The following ELL2 variants were observed in gnomAD, a reference collection of about 807,000 sequenced individuals.
ELL2 encodes the protein RNA polymerase II elongation factor ELL2.
In ELL2, 21 loss-of-function variants were observed where a neutral mutation model predicts 72.8. That is an observed-to-expected ratio of 0.29 (90% confidence interval 0.20 to 0.42). ELL2 has a LOEUF of 0.42. Among genes scored for constraint, ELL2 ranks in the 10% least tolerant of loss-of-function variants. ELL2 has a pLI of 1.00. For missense variants in ELL2, 568 were observed against 772.8 expected, an observed-to-expected ratio of 0.73 and a Z score of 3.14; for synonymous variants, 266 against 283.2, an observed-to-expected ratio of 0.94 and a Z score of 0.61.
At chr5:95,948,429 CAAAAAAAA>C (rs1187881368) in intron 1 of ELL2, among the ~76,000 whole-genome samples, 3 of 35,230 alleles carry the variant, frequency 8.5e-5, no homozygotes, top group South Asian at 2.1e-3. Context: ...GACTCCGCCT[CAAAAAAAA>C]AAAAAAAAAA....
chr5:95,895,501 T>G, intron 9 of ELL2, 127 bp downstream of exon 9: 1 of 815,124 alleles, frequency 1.2e-6, no homozygotes, highest in African/African-American at 1.7e-5. Context: ...GCCTTTCAAT[T>G]GCAAGGGTGG....
intron 9 of ELL2, 32 bp downstream of exon 9, chr5:95,895,596 C>T (rs1162916918): frequency 2.4e-5 from 38 of 1,586,412 alleles, no homozygotes; most frequent in Admixed American, 7.0e-5. Flanking sequence ...AAAATTAAGC[C>T]GCTCTCTCCA....
At chr5:95,901,582 G>A (rs940322042) in intron 5 of ELL2, among the ~76,000 whole-genome samples, 1 of 152,038 alleles carries the variant, frequency 6.6e-6, no homozygotes, top group Admixed American at 6.5e-5. Flanking sequence ...TAATAAAATA[G>A]AGCAATTATG....
rs1748539832 is a variant in ELL2, at chr5:95,888,519, T to G, written c.*352A>C. The G allele has an allele frequency of 6.1e-6, 1 of 164,856 alleles. No homozygotes were observed. The highest frequency in any genetic ancestry group is 2.4e-5 in the African/African-American group (1 of 41,960). 10.2% of individuals were successfully genotyped at this position (164,856 alleles called of 1,614,324 possible). A position where few individuals can be genotyped will look rare whatever the true frequency, so the allele number is the denominator to read the frequency against. Reference sequence around the variant, plus strand: ...TTGTTTTTTAAACACATACAACTTTTAAGTGTGGACACTGGATCCCCAATA... The same window carrying G: ...TTGTTTTTTAAACACATACAACTTTGAAGTGTGGACACTGGATCCCCAATA... On this transcript the variant is annotated 3_prime_UTR_variant, in exon 12 of 12. Coordinates refer to ENST00000237853, the MANE Select transcript of ELL2 (RefSeq NM_012081.6).
chr5:95,952,051 C>A (rs1422675326), intron 1 of ELL2, among the ~76,000 whole-genome samples: 1 of 152,036 alleles, frequency 6.6e-6, no homozygotes, highest in East Asian at 1.9e-4. Context: ...ATGGAATCAA[C>A]CTAAATGCCC....
chr5:95,949,750 CA>C (rs1245991592), intron 1 of ELL2, among the ~76,000 whole-genome samples: 2 of 150,316 alleles, frequency 1.3e-5, no homozygotes, highest in African/African-American at 2.4e-5. Context: ...GAACTTTGCC[CA>C]AAACAAAAAA....
chr5:95,939,709 A>G (rs1750901287), intron 2 of ELL2, among the ~76,000 whole-genome samples: 1 of 152,202 alleles, frequency 6.6e-6, no homozygotes, highest in South Asian at 2.1e-4. Context: ...ATGTACTGAA[A>G]CACATCTGTG....
At chr5:95,933,676 CTTTG>C (rs1444021746) in intron 2 of ELL2, among the ~76,000 whole-genome samples, 1 of 152,052 alleles carries the variant, frequency 6.6e-6, no homozygotes, top group Non-Finnish European at 1.5e-5. Context: ...TGTTTATTCA[CTTTG>C]TTTTTCAATC....
chr5:95,929,966 ATCT>A, intron 2 of ELL2, among the ~76,000 whole-genome samples: 1 of 152,292 alleles, frequency 6.6e-6, no homozygotes, highest in East Asian at 1.9e-4. Flanking sequence ...TCTAAAAAGT[ATCT>A]TCGTCTTTAT....
At chr5:95,960,452 G>A (rs1751785471) in intron 1 of ELL2, among the ~76,000 whole-genome samples, 1 of 151,716 alleles carries the variant, frequency 6.6e-6, no homozygotes, top group African/African-American at 2.4e-5. Context: ...AAAGCGTCTG[G>A]ATTTGTAGTC....
intron 2 of ELL2, chr5:95,942,783 C>T: frequency 3.4e-6 from 1 of 296,022 alleles, no homozygotes; most frequent in Non-Finnish European, 6.5e-6. Context: ...GATAAAAAAA[C>T]ACTGTCAATA....
intron 2 of ELL2, among the ~76,000 whole-genome samples, chr5:95,934,820 T>C (rs534675362): frequency 1.3e-4 from 20 of 152,360 alleles, no homozygotes; most frequent in African/African-American, 4.6e-4. Context: ...AAATTTCTTT[T>C]ATGTTTCTCG....
intron 7 of ELL2, chr5:95,900,208 T>C (rs1749084990): frequency 6.6e-6 from 1 of 152,246 alleles, no homozygotes; most frequent in Non-Finnish European, 1.5e-5. Context: ...TGGAGAAGAA[T>C]CTGATTGGGA....
intron 1 of ELL2, among the ~76,000 whole-genome samples, chr5:95,953,057 G>A (rs1751477639): frequency 1.3e-5 from 2 of 152,238 alleles, no homozygotes; most frequent in Admixed American, 1.3e-4. Context: ...GACCTTGGCA[G>A]GTATAACCTC....
At position 95,961,711 on chromosome 5, in the gene ELL2, C is replaced by A; in HGVS notation, c.11G>T (p.Gly4Val). The A allele has an allele frequency of 1.2e-6, 2 of 1,605,736 alleles. No individual in the cohort carries two copies. The highest frequency in any genetic ancestry group is 1.7e-6 in the Non-Finnish European group (2 of 1,177,286). ...CTCCTCCCGCAGGCCCCCTGTCCCC[C>A]CCGCCGCCATCTTAAACTCCCCGGG... Reference protein sequence around the residue: MAAGGTGGLREEQR... With the variant: MAAVGTGGLREEQR... The change falls in exon 1 of 12, where the codon GGG (glycine) becomes GTG (valine). Residue 4 changes from glycine (G) to valine (V), a missense_variant. Around this residue, in one of 2 missense-constraint regions of ELL2, gnomAD observed 57 missense variants for 44.4 expected, o/e 1.28. Coordinates refer to ENST00000237853, the MANE Select transcript of ELL2 (RefSeq NM_012081.6).
In ELL2 at chr5:95,898,346, G is replaced by A. The variant is rs1187791736; in HGVS notation, c.1419C>T (p.Asp473=). Residue 473 remains aspartate, a synonymous_variant, in exon 8 of 12, where the codon GAC becomes GAT. Transcript: ENST00000237853. ...KKKSKKHKEK[D]QIKKHDIETI... ...TCTCAATGTCGTGCTTTTTTATTTG[G>A]TCCTTTTCCTTATGTTTTTTAGACT... The A allele has an allele frequency of 1.9e-6, 3 of 1,613,358 alleles. No individual in the cohort carries two copies. Among genetic ancestry groups the A allele is most frequent in the Non-Finnish European group, 2.5e-6 (3 of 1,179,820 alleles).
In ELL2 at chr5:95,905,891, G is replaced by A. The variant is rs545394244; in HGVS notation, c.741+632C>T. 3.8e-4 allele frequency among the ~76,000 whole-genome samples: 58 copies of A among 151,338 alleles called. No individual in the cohort carries two copies. In the South Asian group the frequency reaches 0.012, roughly 31 times the overall value. ...ATGACAGATGGACAGAAGGAAGGAA[G>A]AAAAAAATATGTAGGAGGTTATAGT... On this transcript the variant is annotated intron_variant, in intron 5 of 11. Coordinates refer to ENST00000237853, the MANE Select transcript of ELL2 (RefSeq NM_012081.6).
intron 3 of ELL2, among the ~76,000 whole-genome samples, chr5:95,918,490 A>G (rs1305178694): frequency 6.6e-6 from 1 of 152,214 alleles, no homozygotes; most frequent in Non-Finnish European, 1.5e-5. Flanking sequence ...ATGGGAGGAT[A>G]AAGGTAAAAC....
At chr5:95,893,048 C>T (rs1276586879) in intron 9 of ELL2, among the ~76,000 whole-genome samples, 1 of 152,160 alleles carries the variant, frequency 6.6e-6, no homozygotes, top group African/African-American at 2.4e-5. Context: ...AAAACTTAGA[C>T]TTAATTTGTT....
Sources: gnomAD v4.1 joint callset for allele counts (sites outside exome capture counted in the v4.1 genomes callset) on GRCh38, gnomAD v4.1.1 for gene constraint, gnomAD v4.1.1 regional missense constraint, MANE v1.5 for transcripts, NCBI Gene and HGNC (gene_info 2026-07-23, HGNC 2026-07-21) for gene names.